The following HSD17B11 variants were observed in gnomAD, a reference collection of about 807,000 sequenced individuals.
HSD17B11 encodes hydroxysteroid 17-beta dehydrogenase 11, also known as estradiol 17-beta-dehydrogenase 11.
Under a neutral mutation model 27.8 loss-of-function variants are expected in HSD17B11, and 22 were observed. The ratio of observed to expected loss-of-function variants is 0.79; its 90% CI spans 0.56 to 1.13. The LOEUF is 1.13. Ranked by LOEUF, HSD17B11 falls within the 50% of genes most tolerant of loss-of-function variation. The pLI, the probability that HSD17B11 is intolerant of heterozygous loss-of-function variation, is 0.00. For missense variants in HSD17B11, 314 were observed against 351.1 expected (o/e 0.89, Z 0.84); for synonymous variants, 117 against 132.8 (o/e 0.88, Z 0.82).
At chr4:87,360,733 C>G (rs942735258) in intron 4 of HSD17B11, among the ~76,000 whole-genome samples, 1 of 152,130 alleles carries the variant, frequency 6.6e-6, no homozygotes, top group African/African-American at 2.4e-5. Context: ...ACTTTAATCA[C>G]AGAGCCAAAA....
At chr4:87,377,107 G>C (rs1226720547) in intron 2 of HSD17B11, among the ~76,000 whole-genome samples, 1 of 151,610 alleles carries the variant, frequency 6.6e-6, no homozygotes, top group Non-Finnish European at 1.5e-5. Context: ...GCCCGCCTGG[G>C]TGACAGAGCA....
At chr4:87,345,302 G>C (rs1378691183) in intron 5 of HSD17B11, 1 of 151,950 alleles carries the variant, frequency 6.6e-6, no homozygotes, top group African/African-American at 2.4e-5. Flanking sequence ...AGACTCATGA[G>C]GTGCAGTGAA....
At chr4:87,346,068 T>C (rs1228553696) in intron 5 of HSD17B11, among the ~76,000 whole-genome samples, 1 of 152,154 alleles carries the variant, frequency 6.6e-6, no homozygotes, top group Non-Finnish European at 1.5e-5. Flanking sequence ...AAATCTAGCA[T>C]TATATTAAAA....
chr4:87,369,986 T>C (rs1469018450), intron 4 of HSD17B11, among the ~76,000 whole-genome samples: 1 of 152,228 alleles, frequency 6.6e-6, no homozygotes, highest in Non-Finnish European at 1.5e-5. Flanking sequence ...TTCTTTTATC[T>C]TGCATTCTTC....
chr4:87,379,320 T>C (rs1720064133), intron 2 of HSD17B11, among the ~76,000 whole-genome samples: 1 of 151,096 alleles, frequency 6.6e-6, no homozygotes, highest in Non-Finnish European at 1.5e-5. Flanking sequence ...AAAGCATTAT[T>C]TGCCTCTTCT....
At position 87,340,528 on chromosome 4, in the gene HSD17B11, A is replaced by G; in HGVS notation, c.774T>C (p.Phe258=). Residue 258 remains phenylalanine, a synonymous_variant, in exon 6 of 7, where the codon TTT becomes TTC. Coordinates refer to ENST00000358290, the MANE Select transcript of HSD17B11 (RefSeq NM_016245.5). ...TTAAAAAAGCTATAGAAGATGGAAT[A>G]AAAATCATCTTCTGCTCAGTCAGAA... ...HGILTEQKMI[F]IPSSIAFLTT... The G allele has an allele frequency of 6.2e-7, 1 of 1,610,494 alleles. No homozygotes were observed.
chr4:87,343,044 C>T (rs1735199081), intron 5 of HSD17B11, among the ~76,000 whole-genome samples: 1 of 152,140 alleles, frequency 6.6e-6, no homozygotes, highest in Admixed American at 6.6e-5. Context: ...CTTATAGACA[C>T]CTGTGTAAAT....
At chr4:87,386,431 G>A (rs1298591215) in intron 1 of HSD17B11, among the ~76,000 whole-genome samples, 1 of 151,960 alleles carries the variant, frequency 6.6e-6, no homozygotes, top group African/African-American at 2.4e-5. Flanking sequence ...TTGAACCCCT[G>A]GCCTCAAGTG....
At chr4:87,364,267 T>TG (rs1161066165) in intron 4 of HSD17B11, among the ~76,000 whole-genome samples, 1 of 140,302 alleles carries the variant, frequency 7.1e-6, no homozygotes, top group African/African-American at 2.7e-5. Context: ...GATCCAGTTT[T>TG]GGGAAAAAAA....
chr4:87,390,805 C>A, intron 1 of HSD17B11, 56 bp downstream of exon 1: 1 of 1,506,496 alleles, frequency 6.6e-7, no homozygotes, highest in Non-Finnish European at 9.2e-7. Context: ...CAGCAAAATG[C>A]AGACACATCC....
At chr4:87,370,756 T>TTTTA (rs1553959709) in intron 4 of HSD17B11, among the ~76,000 whole-genome samples, 3,079 of 17,760 alleles carry the variant, frequency 0.17, 390 homozygotes, top group Non-Finnish European at 0.18. Context: ...ATTATTATTA[T>TTTTA]TTTTTTTTTT....
chr4:87,365,562 C>T (rs1303566987), intron 4 of HSD17B11, among the ~76,000 whole-genome samples: 1 of 152,162 alleles, frequency 6.6e-6, no homozygotes. Flanking sequence ...CAGCCCTTAT[C>T]TGCACTTCTG....
rs1306622349 is a variant in HSD17B11 at position 87,336,644 on chromosome 4, G to T, written c.*632C>A. ...GATCCATTTATTATTGCTGCCATTT[G>T]TGGGTACATTCTCTCAATTCTCCTT... On this transcript the variant is annotated 3_prime_UTR_variant, in exon 7 of 7. Coordinates refer to ENST00000358290, the MANE Select transcript of HSD17B11 (RefSeq NM_016245.5). The T allele has an allele frequency of 6.6e-6, 1 of 152,378 alleles. No homozygotes were observed. Among genetic ancestry groups the T allele is most frequent in the East Asian group, 1.9e-4 (1 of 5,206 alleles). 9.4% of individuals were successfully genotyped at this position (152,378 alleles called of 1,614,324 possible). A position where few individuals can be genotyped will look rare whatever the true frequency, so the allele number is the denominator to read the frequency against.
At chr4:87,380,863 C>CAAAAAAAAAAAAAAA (rs561938045) in intron 2 of HSD17B11, among the ~76,000 whole-genome samples, 30 of 74,728 alleles carry the variant, frequency 4.0e-4, no homozygotes, top group Middle Eastern at 0.012. Flanking sequence ...GACTCTATCT[C>CAAAAAAAAAAAAAAA]AAAAAAAAAA....
At chr4:87,360,726 T>G (rs1274780853) in intron 4 of HSD17B11, among the ~76,000 whole-genome samples, 1 of 152,212 alleles carries the variant, frequency 6.6e-6, no homozygotes, top group Non-Finnish European at 1.5e-5. Context: ...GCTTGAGACT[T>G]TAATCACAGA....
intron 2 of HSD17B11, among the ~76,000 whole-genome samples, chr4:87,381,137 A>G (rs1181656565): frequency 6.8e-6 from 1 of 147,524 alleles, no homozygotes; most frequent in Non-Finnish European, 1.5e-5. Flanking sequence ...CAGTGAGCTG[A>G]GATCACGCCA....
chr4:87,347,103 A>ATTTTTTTT (rs763068482), intron 5 of HSD17B11, among the ~76,000 whole-genome samples: 5 of 62,584 alleles, frequency 8.0e-5, no homozygotes, highest in East Asian at 6.2e-4. Context: ...AGTATTCTGG[A>ATTTTTTTT]TTTTTTTTTT....
At chr4:87,339,445 G>A (rs569438403) in intron 6 of HSD17B11, among the ~76,000 whole-genome samples, 25 of 152,174 alleles carry the variant, frequency 1.6e-4, no homozygotes, top group African/African-American at 4.8e-4. Flanking sequence ...ACAGATTTCC[G>A]GTCCAACTCA....
chr4:87,385,098 A>G (rs1390580049), intron 1 of HSD17B11, among the ~76,000 whole-genome samples: 1 of 152,218 alleles, frequency 6.6e-6, no homozygotes, highest in Non-Finnish European at 1.5e-5. Flanking sequence ...CACAAACTGT[A>G]GTATACTCTC....
Sources: allele counts gnomAD v4.1 joint callset (sites outside exome capture counted in the v4.1 genomes callset), GRCh38; gene constraint gnomAD v4.1.1; transcripts MANE v1.5; gene names NCBI Gene and HGNC (gene_info 2026-07-23, HGNC 2026-07-21).